Variants in OLA1 observed in about 807,000 individuals in gnomAD.
The protein encoded by OLA1 is Obg like ATPase 1.
In OLA1, 14 loss-of-function variants were observed where a neutral mutation model predicts 48.4. That is an observed-to-expected ratio of 0.29 (90% CI 0.19 to 0.45). OLA1 has a LOEUF of 0.45. Among genes scored for constraint, OLA1 ranks in the 20% least tolerant of loss-of-function variants. The probability of loss-of-function intolerance (pLI) is 1.00; values close to 1 mark genes in which losing one functional copy is unlikely to be tolerated. For missense variants in OLA1, 325 were observed against 467.1 expected, an observed-to-expected ratio of 0.70 and a Z score of 2.80; for synonymous variants, 127 against 150.4, an observed-to-expected ratio of 0.84 and a Z score of 1.14.
chr2:174,227,410 T>A (rs1688640000), intron 3 of OLA1, among the ~76,000 whole-genome samples: 1 of 152,186 alleles, frequency 6.6e-6, no homozygotes, highest in African/African-American at 2.4e-5. Context: ...TAAACTACCC[T>A]GATTTTGATG....
At chr2:174,149,249 C>T (rs1445787252) in intron 4 of OLA1, among the ~76,000 whole-genome samples, 1 of 152,208 alleles carries the variant, frequency 6.6e-6, no homozygotes, top group Non-Finnish European at 1.5e-5. Context: ...CTCAGTAGCA[C>T]CTAACTTCAG....
intron 4 of OLA1, among the ~76,000 whole-genome samples, chr2:174,193,761 C>T (rs891927476): frequency 6.6e-6 from 1 of 152,130 alleles, no homozygotes; most frequent in Non-Finnish European, 1.5e-5. Context: ...GAATCGCTGT[C>T]TATTCTTTTT....
chr2:174,143,956 T>G (rs554369048), intron 4 of OLA1, among the ~76,000 whole-genome samples: 1 of 151,836 alleles, frequency 6.6e-6, no homozygotes, highest in Non-Finnish European at 1.5e-5. Flanking sequence ...TTAAAAAATA[T>G]AGTCGGGCAT....
chr2:174,108,672 C>T (rs1171028020), intron 7 of OLA1, among the ~76,000 whole-genome samples: 1 of 152,142 alleles, frequency 6.6e-6, no homozygotes, highest in East Asian at 1.9e-4. Context: ...TTTATAAATG[C>T]TGTCTTGGAT....
At chr2:174,248,039 G>A in intron 1 of OLA1, 1 of 316,990 alleles carries the variant, frequency 3.2e-6, no homozygotes, top group South Asian at 5.0e-5. Context: ...CTGACCCCGA[G>A]GGCCAGGAAT....
chr2:174,194,957 C>T (rs1231138086), intron 4 of OLA1, among the ~76,000 whole-genome samples: 2 of 152,100 alleles, frequency 1.3e-5, no homozygotes, highest in Admixed American at 6.5e-5. Context: ...CATATTTTCT[C>T]TCTCTCTCTC....
chr2:174,145,266 T>C (rs1038649872), intron 4 of OLA1, among the ~76,000 whole-genome samples: 1 of 151,954 alleles, frequency 6.6e-6, no homozygotes, highest in Non-Finnish European at 1.5e-5. Flanking sequence ...AACATTAATT[T>C]TGAGTAATAT....
rs565692963 is a variant in OLA1, at chr2:174,193,492, A to G, written c.373+29541T>C. Reference sequence around the variant, plus strand: ...TTGTTGTTGTTGTTATTGGAAGCTGATCCTCTTGTGTGCAACAGTAGAAAC... The same window carrying G: ...TTGTTGTTGTTGTTATTGGAAGCTGGTCCTCTTGTGTGCAACAGTAGAAAC... On this transcript the variant is annotated intron_variant, in intron 4 of 10. Transcript: ENST00000284719. 1.2e-4 allele frequency among the ~76,000 whole-genome samples: 19 copies of G among 152,168 alleles called. No individual in the cohort carries two copies. The South Asian group carries it at 2.7e-3, about 22-fold the overall frequency.
intron 7 of OLA1, among the ~76,000 whole-genome samples, chr2:174,119,956 AACACACACAC>A (rs10592077): frequency 1.3e-5 from 2 of 149,436 alleles, no homozygotes; most frequent in Non-Finnish European, 3.0e-5. Flanking sequence ...CACACACACA[AACACACACAC>A]ACACACACAC....
At chr2:174,201,251 G>C (rs1687983909) in intron 4 of OLA1, among the ~76,000 whole-genome samples, 3 of 152,202 alleles carry the variant, frequency 2.0e-5, no homozygotes, top group Non-Finnish European at 4.4e-5. Context: ...TACAATATGA[G>C]AGAAGTTAAA....
At chr2:174,192,543 ATATT>A (rs781245422) in intron 4 of OLA1, among the ~76,000 whole-genome samples, 1 of 152,166 alleles carries the variant, frequency 6.6e-6, no homozygotes, top group African/African-American at 2.4e-5. Flanking sequence ...AAAGCCTATA[ATATT>A]TATTATCTAA....
At position 174,093,493 on chromosome 2, in the gene OLA1, A is replaced by C. The variant is rs898090185; in HGVS notation, c.729-11429T>G. 4.0e-5 allele frequency among the ~76,000 whole-genome samples: 6 copies of C among 151,518 alleles called. 1 individual carries two copies. In the East Asian group the frequency reaches 1.2e-3, roughly 29 times the overall value. On this transcript the variant is annotated intron_variant, in intron 7 of 10. Coordinates refer to ENST00000284719, the MANE Select transcript of OLA1 (RefSeq NM_013341.5). ...CAAAAAAAAAACCAAACAAACCACCAACCAACCAACCAATCAAACACCGCC... is the reference window on the plus strand; with the variant it reads ...CAAAAAAAAAACCAAACAAACCACCCACCAACCAACCAATCAAACACCGCC...
chr2:174,183,008 A>C (rs16862461), intron 4 of OLA1, among the ~76,000 whole-genome samples: 16,885 of 152,246 alleles, frequency 0.11, 2,192 homozygotes, highest in East Asian at 0.71. Context: ...AAAATGTTAA[A>C]GACAGTTTCA....
At chr2:174,211,803 T>C (rs1378454816) in intron 4 of OLA1, among the ~76,000 whole-genome samples, 1 of 152,212 alleles carries the variant, frequency 6.6e-6, no homozygotes, top group African/African-American at 2.4e-5. Flanking sequence ...TATTAAGAAG[T>C]ACTTGAAATA....
intron 4 of OLA1, among the ~76,000 whole-genome samples, chr2:174,212,683 T>G (rs935610818): frequency 2.0e-5 from 3 of 152,184 alleles, no homozygotes; most frequent in Non-Finnish European, 4.4e-5. Flanking sequence ...TTTTTTCCAT[T>G]TTTTAAATTT....
chr2:174,207,509 AT>A (rs1211756881), intron 4 of OLA1, among the ~76,000 whole-genome samples: 1 of 152,178 alleles, frequency 6.6e-6, no homozygotes, highest in Non-Finnish European at 1.5e-5. Context: ...TGTTAGTTCT[AT>A]TTCCTTAAGA....
intron 4 of OLA1, among the ~76,000 whole-genome samples, chr2:174,194,847 A>C (rs2105426754): frequency 6.6e-6 from 1 of 152,312 alleles, no homozygotes; most frequent in South Asian, 2.1e-4. Context: ...TAAAACATAC[A>C]TACATTTACC....
In OLA1 at chr2:174,223,123, C is replaced by T. The variant is rs767378424; in HGVS notation, c.283G>A (p.Gly95Ser). ...CCATTGTGAGCTCCTTTCACAAGGC[C>T]AGCAATATCCACCACATTTAGAAAG... ...PAFLNVVDIA[G>S]LVKGAHNGQG... Residue 95 changes from glycine to serine, a missense_variant, in exon 4 of 11, where the codon GGC (glycine) becomes AGC (serine). Physicochemically the swap from Gly to Ser is moderately conservative, Grantham distance 56. Transcript: ENST00000284719. 6.2e-7 allele frequency: 1 copy of T among 1,613,916 alleles called. No individual in the cohort carries two copies. Among genetic ancestry groups the T allele is most frequent in the Non-Finnish European group, 8.5e-7 (1 of 1,179,860 alleles).
At chr2:174,197,162 A>C (rs1687895383) in intron 4 of OLA1, among the ~76,000 whole-genome samples, 1 of 152,230 alleles carries the variant, frequency 6.6e-6, no homozygotes, top group Non-Finnish European at 1.5e-5. Flanking sequence ...ATAATGGAAC[A>C]CTTAGGCATA....
Sources: allele counts gnomAD v4.1 joint callset (sites outside exome capture counted in the v4.1 genomes callset), GRCh38; gene constraint gnomAD v4.1.1; transcripts MANE v1.5; gene names NCBI Gene and HGNC (gene_info 2026-07-23, HGNC 2026-07-21).